Variants in CADM2 observed in about 807,000 individuals in gnomAD.
CADM2 encodes the protein immunoglobulin superfamily member 4D.
In CADM2, 12 loss-of-function variants were observed where a neutral mutation model predicts 49.8. The ratio of observed to expected loss-of-function variants is 0.24; its 90% CI spans 0.15 to 0.39. The LOEUF (loss-of-function observed/expected upper bound fraction) is 0.39, where lower values mean the gene tolerates loss of function less well. Ranked by LOEUF, CADM2 falls within the 10% of genes least tolerant of loss-of-function variation. The pLI is 1.00. For synonymous variants in CADM2, 214 were observed against 175.4 expected (o/e 1.22, Z -1.74); for missense variants, 378 against 492.3 (o/e 0.77, Z 2.20).
chr3:85,821,790 T>A (rs189619605), intron 3 of CADM2, among the ~76,000 whole-genome samples: 56 of 152,312 alleles, frequency 3.7e-4, no homozygotes, highest in Non-Finnish European at 7.2e-4. Context: ...GCTTTTGTAA[T>A]GTACAATAAA....
intron 1 of CADM2, among the ~76,000 whole-genome samples, chr3:85,725,352 G>A (rs774448833): frequency 7.9e-5 from 12 of 151,652 alleles, no homozygotes; most frequent in African/African-American, 4.8e-5. Flanking sequence ...GAATGAAGTC[G>A]AAATTAGAAC....
intron 1 of CADM2, among the ~76,000 whole-genome samples, chr3:85,400,404 A>G (rs2035038364): frequency 6.6e-6 from 1 of 152,098 alleles, no homozygotes; most frequent in Non-Finnish European, 1.5e-5. Flanking sequence ...ATTGGTCTAA[A>G]ATTCTCTTTT....
intron 1 of CADM2, among the ~76,000 whole-genome samples, chr3:85,445,155 T>C (rs2107552016): frequency 6.6e-6 from 1 of 152,212 alleles, no homozygotes; most frequent in Middle Eastern, 3.4e-3. Context: ...CTTAGGGAAT[T>C]TCAATGATTT....
At chr3:85,246,239 T>C (rs988708544) in intron 1 of CADM2, among the ~76,000 whole-genome samples, 3 of 151,992 alleles carry the variant, frequency 2.0e-5, no homozygotes, top group African/African-American at 7.3e-5. Context: ...AGGTGGGAAT[T>C]GAACAATGAG....
intron 1 of CADM2, among the ~76,000 whole-genome samples, chr3:85,188,827 C>T (rs916770131): frequency 4.0e-5 from 6 of 151,648 alleles, no homozygotes; most frequent in Admixed American, 4.0e-4. Context: ...GTCAGGAGAT[C>T]GAGACCATCC....
chr3:85,332,358 A>ATT (rs2044952129), intron 1 of CADM2, among the ~76,000 whole-genome samples: 1 of 152,026 alleles, frequency 6.6e-6, no homozygotes, highest in Non-Finnish European at 1.5e-5. Flanking sequence ...CCAATTTAAA[A>ATT]ATATAATGCA....
chr3:85,357,683 C>A (rs17022720), intron 1 of CADM2, among the ~76,000 whole-genome samples: 3 of 150,244 alleles, frequency 2.0e-5, no homozygotes, highest in African/African-American at 7.3e-5. Context: ...TTCCCAAGGT[C>A]GCATTCAAGG....
intron 6 of CADM2, among the ~76,000 whole-genome samples, chr3:85,917,993 G>T (rs1031029873): frequency 1.3e-5 from 2 of 152,150 alleles, no homozygotes; most frequent in African/African-American, 4.8e-5. Flanking sequence ...AAGAATGCTT[G>T]TGATTTTTGC....
intron 8 of CADM2, among the ~76,000 whole-genome samples, chr3:86,020,517 A>G (rs369353312): frequency 2.0e-5 from 3 of 151,712 alleles, no homozygotes; most frequent in South Asian, 2.1e-4. Context: ...TACCAAAGCC[A>G]GGCAGAGACA....
chr3:85,481,098 A>G (rs2039190701), intron 1 of CADM2, among the ~76,000 whole-genome samples: 1 of 151,420 alleles, frequency 6.6e-6, no homozygotes, highest in Non-Finnish European at 1.5e-5. Context: ...CAGAATAAAC[A>G]TAACAATGTT....
intron 8 of CADM2, among the ~76,000 whole-genome samples, chr3:86,020,942 T>C (rs9756188): frequency 0.032 from 4,846 of 152,064 alleles, 145 homozygotes; most frequent in African/African-American, 0.076. Flanking sequence ...CAGGGATGCC[T>C]TCTCTCACCA....
At chr3:85,267,212 C>T (rs1359989172) in intron 1 of CADM2, among the ~76,000 whole-genome samples, 1 of 151,750 alleles carries the variant, frequency 6.6e-6, no homozygotes, top group Non-Finnish European at 1.5e-5. Flanking sequence ...CAGTACAACT[C>T]CCATGAGAAA....
At chr3:85,152,697 C>A (rs2039964444) in intron 1 of CADM2, among the ~76,000 whole-genome samples, 1 of 152,130 alleles carries the variant, frequency 6.6e-6, no homozygotes, top group South Asian at 2.1e-4. Context: ...GTGGCTCACG[C>A]CTGTAATCCC....
At chr3:85,271,336 T>C (rs576100030) in intron 1 of CADM2, among the ~76,000 whole-genome samples, 1 of 151,482 alleles carries the variant, frequency 6.6e-6, no homozygotes, top group South Asian at 2.1e-4. Flanking sequence ...CAAAGTAAAT[T>C]TTTATGAAAT....
At chr3:85,440,544 G>T (rs965371182) in intron 1 of CADM2, among the ~76,000 whole-genome samples, 3 of 152,064 alleles carry the variant, frequency 2.0e-5, no homozygotes, top group African/African-American at 7.2e-5. Context: ...GAAACATTGC[G>T]ACCTTAGGTC....
rs112702742 is a variant in CADM2 at position 85,290,159 on chromosome 3, C to T, written c.61+330491C>T. ...GCAAGGGGTCAGGGAGTTCCCTTTC[C>T]GAGTCAAAGAAAGGGGTGACAGGCA... On this transcript the variant is annotated intron_variant, in intron 1 of 9. Coordinates refer to ENST00000383699, the MANE Select transcript of CADM2 (RefSeq NM_001167675.2). Among the ~76,000 whole-genome samples the T allele has an allele frequency of 2.8e-4, 42 of 152,212 alleles. 1 individual carries two copies. The highest frequency in any genetic ancestry group is 5.8e-4 in the East Asian group (3 of 5,170).
At chr3:85,567,531 T>G (rs898847628) in intron 1 of CADM2, among the ~76,000 whole-genome samples, 1 of 152,194 alleles carries the variant, frequency 6.6e-6, no homozygotes, top group African/African-American at 2.4e-5. Context: ...AGAAACATTC[T>G]TGTTTAATTT....
intron 3 of CADM2, 89 bp from the exon 4 acceptor site, chr3:85,883,202 T>C (rs1713067820): frequency 3.0e-6 from 3 of 988,422 alleles, no homozygotes; most frequent in East Asian, 5.7e-5. Flanking sequence ...AAAGAAAACA[T>C]TTATTGTATT....
intron 1 of CADM2, among the ~76,000 whole-genome samples, chr3:85,350,943 A>G (rs1055446954): frequency 1.3e-5 from 2 of 152,194 alleles, no homozygotes; most frequent in African/African-American, 2.4e-5. Context: ...GTATATAGCT[A>G]TGATCAAACA....
Sources: allele counts gnomAD v4.1 joint callset (sites outside exome capture counted in the v4.1 genomes callset), GRCh38; gene constraint gnomAD v4.1.1; transcripts MANE v1.5; gene names NCBI Gene and HGNC (gene_info 2026-07-23, HGNC 2026-07-21).